SENP1: variants seen among roughly 807,000 people sequenced by gnomAD.
SENP1 encodes sentrin-specific protease 1.
A neutral mutation model predicts 93.0 loss-of-function variants in SENP1; 21 were observed. The observed-to-expected ratio is 0.23, with a 90% CI of 0.16 to 0.33. SENP1 has a LOEUF of 0.33. SENP1 is among the 10% of genes least tolerant of loss of function. The pLI, the probability that SENP1 is intolerant of heterozygous loss-of-function variation, is 1.00. For missense variants in SENP1, 591 were observed against 758.7 expected (o/e 0.78, Z 2.60); for synonymous variants, 256 against 259.6 (o/e 0.99, Z 0.13).
chr12:48,065,282 G>A lies in SENP1; in HGVS notation c.1120-62C>T, dbSNP rs75637252. The A allele has an allele frequency of 1.8e-3, 2,305 of 1,306,452 alleles. 44 individuals carry two copies. The East Asian group carries it at 0.034, about 19-fold the overall frequency. The allele number at this position is 1,306,452 out of a possible 1,614,324, so 80.9% of individuals were successfully genotyped here. A position where few individuals can be genotyped will look rare whatever the true frequency, so the allele number is the denominator to read the frequency against. ...AATCTGTGGATGTTCCTTGATTTAT[G>A]ATAGGGTTATGTCCCAATAAACCTG... On this transcript the variant is annotated intron_variant, in intron 11 of 17. Coordinates refer to ENST00000549518, the MANE Select transcript of SENP1 (RefSeq NM_001267594.2).
chr12:48,083,568 C>T, intron 6 of SENP1, 23 bp downstream of exon 6: 4 of 1,605,998 alleles, frequency 2.5e-6, no homozygotes, highest in Non-Finnish European at 3.4e-6. Flanking sequence ...CTTTTAGTAG[C>T]TTTTGTCACA....
intron 6 of SENP1, among the ~76,000 whole-genome samples, chr12:48,078,334 T>TATATATATATATATATATATATACAC: frequency 4.4e-4 from 30 of 67,874 alleles, no homozygotes; most frequent in Non-Finnish European, 6.3e-4. Flanking sequence ...TATATATATA[T>TATATATATATATATATATATATACAC]ACACACACAT....
chr12:48,071,539 C>CAGGGAGGTGG (rs966016343), intron 9 of SENP1, 128 bp downstream of exon 9: 4 of 587,594 alleles, frequency 6.8e-6, no homozygotes, highest in Middle Eastern at 9.6e-4. Context: ...TTGCTTGAAC[C>CAGGGAGGTGG]AGGGAGGTGG....
At chr12:48,077,549 G>A (rs1944185761) in intron 6 of SENP1, among the ~76,000 whole-genome samples, 1 of 151,970 alleles carries the variant, frequency 6.6e-6, no homozygotes, top group Non-Finnish European at 1.5e-5. Context: ...TAGCACCTTT[G>A]TCAAAAATCA....
chr12:48,103,954 T>A (rs55820056), intron 1 of SENP1, among the ~76,000 whole-genome samples: 18,565 of 152,098 alleles, frequency 0.12, 1,478 homozygotes, highest in African/African-American at 0.22. Context: ...GGCTCACACC[T>A]GTAATCCCAG....
intron 9 of SENP1, among the ~76,000 whole-genome samples, chr12:48,069,107 T>G (rs537168644): frequency 1.3e-3 from 176 of 138,006 alleles, no homozygotes; most frequent in Admixed American, 4.4e-3. Context: ...GAGCAGAGAT[T>G]GTGCCACTGC....
intron 13 of SENP1, among the ~76,000 whole-genome samples, chr12:48,052,403 A>G (rs1214038188): frequency 6.6e-6 from 1 of 152,222 alleles, no homozygotes; most frequent in African/African-American, 2.4e-5. Flanking sequence ...GGGCATGACA[A>G]TACTTCTGAG....
At chr12:48,079,516 T>A (rs2137096734) in intron 6 of SENP1, among the ~76,000 whole-genome samples, 2 of 152,030 alleles carry the variant, frequency 1.3e-5, no homozygotes, top group South Asian at 4.2e-4. Context: ...AAAAGAAAAT[T>A]AGGATCTTAA....
intron 4 of SENP1, among the ~76,000 whole-genome samples, chr12:48,091,322 C>T (rs548357376): frequency 4.6e-5 from 7 of 152,088 alleles, no homozygotes; most frequent in African/African-American, 1.4e-4. Flanking sequence ...TGGTGGCACA[C>T]GTCTGTCGTC....
In SENP1 at chr12:48,065,608, C is replaced by A. The variant is rs1291944222; in HGVS notation, c.1107G>T (p.Gln369His). 5.1e-6 allele frequency: 8 copies of A among 1,554,746 alleles called. No homozygotes were observed. The highest frequency in any genetic ancestry group is 6.1e-6 in the Non-Finnish European group (7 of 1,146,826). Residue 369 changes from glutamine (Q) to histidine (H), a missense_variant, in exon 11 of 18, where the codon CAG becomes CAT. Around this residue, in one of 4 missense-constraint regions of SENP1, gnomAD observed 238 missense variants for 259.1 expected, o/e 0.92. Coordinates refer to ENST00000549518, the MANE Select transcript of SENP1 (RefSeq NM_001267594.2). Reference sequence around the variant, plus strand: ...TTTTCTTTTTTACCTGGTTTTGAAGCTGTAAGGCCAATGCCTTCTGTTCTT... The same window carrying A: ...TTTTCTTTTTTACCTGGTTTTGAAGATGTAAGGCCAATGCCTTCTGTTCTT... ...QIEEQKALAL[Q>H]LQNQRLQERE...
intron 11 of SENP1, 62 bp from the exon 12 acceptor site, chr12:48,065,282 G>T: frequency 7.7e-7 from 1 of 1,306,458 alleles, no homozygotes; most frequent in Non-Finnish European, 1.1e-6. Flanking sequence ...CTTGATTTAT[G>T]ATAGGGTTAT....
intron 13 of SENP1, chr12:48,055,547 C>T (rs1220338013): frequency 6.6e-6 from 1 of 152,018 alleles, no homozygotes; most frequent in Non-Finnish European, 1.5e-5. Flanking sequence ...CTGGCCTCCC[C>T]AAGGATAGCC....
rs150073869 is a variant in SENP1 at position 48,065,233 on chromosome 12, A to G, written c.1120-13T>C. On this transcript the variant is annotated splice_polypyrimidine_tract_variant and intron_variant, in intron 11 of 17. Coordinates refer to ENST00000549518, the MANE Select transcript of SENP1 (RefSeq NM_001267594.2). ...GCTCCTGCAATCTCTGAAAGATAAAACTTCAGAGTAAGTGGGATAAAGAAA... is the reference window on the plus strand; with the variant it reads ...GCTCCTGCAATCTCTGAAAGATAAAGCTTCAGAGTAAGTGGGATAAAGAAA... 2.7e-4 allele frequency: 422 copies of G among 1,563,500 alleles called. 2 individuals carry two copies. In the African/African-American group the frequency reaches 4.7e-3, roughly 17 times the overall value.
In SENP1 at chr12:48,083,640, A is replaced by G; in HGVS notation, c.503T>C (p.Leu168Pro). Residue 168 changes from leucine (L) to proline (P), a missense_variant, in exon 6 of 18, where the codon CTT (leucine) becomes CCT (proline). Coordinates refer to ENST00000549518, the MANE Select transcript of SENP1 (RefSeq NM_001267594.2). Reference protein sequence around the residue: ...PSWSGSCRRSLLSPKKTQRRH... With the variant: ...PSWSGSCRRSPLSPKKTQRRH... The stretch of plus-strand genomic sequence containing the variant: ...CCTCTGAGTTTTCTTGGGGCTCAAA[A>G]GACTTCGACGACATGAACCACTCCA... The G allele has an allele frequency of 6.2e-7, 1 of 1,613,874 alleles. No individual in the cohort carries two copies. The highest frequency in any genetic ancestry group is 8.5e-7 in the Non-Finnish European group (1 of 1,179,830).
chr12:48,095,683 A>C (rs780251880), intron 4 of SENP1, among the ~76,000 whole-genome samples: 1 of 152,182 alleles, frequency 6.6e-6, no homozygotes, highest in Non-Finnish European at 1.5e-5. Context: ...TCCTACAGCC[A>C]AGAGGCTAAC....
At chr12:48,105,874 T>C (rs1165278215) in intron 1 of SENP1, 154 bp downstream of exon 1, 8 of 605,214 alleles carry the variant, frequency 1.3e-5, no homozygotes, top group Non-Finnish European at 2.3e-5. Flanking sequence ...GGGGAGGTGG[T>C]CCCAGGGGGC....
chr12:48,050,705 C>T (rs7299704), intron 13 of SENP1, among the ~76,000 whole-genome samples: 79,206 of 152,060 alleles, frequency 0.52, 20,974 homozygotes, highest in East Asian at 0.83. Flanking sequence ...TCTAGGTTTC[C>T]GAAGGCAGCC....
chr12:48,063,801 T>G lies in SENP1; in HGVS notation c.1316A>C (p.Asn439Thr), dbSNP rs1426586006. The G allele has an allele frequency of 6.2e-7, 1 of 1,612,768 alleles. No homozygotes were observed. The highest frequency in any genetic ancestry group is 1.3e-5 in the African/African-American group (1 of 74,900). The change falls in exon 13 of 18, where the codon AAT (asparagine) becomes ACT (threonine). Residue 439 changes from asparagine to threonine, a missense_variant. Asn to Thr is a moderately conservative substitution (Grantham distance 65). Coordinates refer to ENST00000549518, the MANE Select transcript of SENP1 (RefSeq NM_001267594.2). ...TGCTTCACTGAGAACTTCATCCTGA[T>G]TCCCATTACGAAATACATTCTTTAT... ...KEIKNVFRNG[N>T]QDEVLSEAFR...
Position 48,098,064 on chromosome 12 carries a change from G to C in SENP1, c.65C>G (p.Ser22Cys), listed in dbSNP as rs770181403. ...TGGCAGGAGGTGGGTTTTGAATACG[G>C]AGTTGTGGTTCACTAAAGTCACTTC... ...AGEVTLVNHN[S>C]VFKTHLLPQT... Residue 22 changes from serine to cysteine, a missense_variant, in exon 3 of 18, where the codon TCC (serine) becomes TGC (cysteine). Physicochemically the swap from Ser to Cys is moderately radical, Grantham distance 112. Coordinates refer to ENST00000549518, the MANE Select transcript of SENP1 (RefSeq NM_001267594.2). The C allele has an allele frequency of 6.2e-7, 1 of 1,613,656 alleles. No individual in the cohort carries two copies. The highest frequency in any genetic ancestry group is 8.5e-7 in the Non-Finnish European group (1 of 1,179,726).
Sources: gnomAD v4.1 joint callset for allele counts (sites outside exome capture counted in the v4.1 genomes callset) on GRCh38, gnomAD v4.1.1 for gene constraint, gnomAD v4.1.1 regional missense constraint, MANE v1.5 for transcripts, NCBI Gene and HGNC (gene_info 2026-07-23, HGNC 2026-07-21) for gene names.